MBD5: variants seen among roughly 807,000 people sequenced by gnomAD.
The protein encoded by MBD5 is methyl-CpG binding domain protein 5.
Under a neutral mutation model 117.3 loss-of-function variants are expected in MBD5, and 13 were observed. The observed-to-expected ratio is 0.11, with a 90% confidence interval of 0.07 to 0.18. The LOEUF is 0.18. Among genes scored for constraint, MBD5 ranks in the 10% least tolerant of loss-of-function variants. The pLI, the probability that MBD5 is intolerant of heterozygous loss-of-function variation, is 1.00. For synonymous variants in MBD5, 727 were observed against 766.4 expected (o/e 0.95, Z 0.85); for missense variants, 1,879 against 2,093.8 (o/e 0.90, Z 2.00).
chr2:148,134,277 T>C (rs1314381560), intron 1 of MBD5, among the ~76,000 whole-genome samples: 1 of 152,144 alleles, frequency 6.6e-6, no homozygotes, highest in Non-Finnish European at 1.5e-5. Flanking sequence ...GATACAGATA[T>C]ACAAACACCC....
intron 1 of MBD5, among the ~76,000 whole-genome samples, chr2:148,082,281 T>C (rs1695666042): frequency 6.6e-6 from 1 of 152,148 alleles, no homozygotes. Context: ...ATTCTTTTCA[T>C]TTATTCAGTG....
chr2:148,447,163 GGAAGA>G (rs1172105422), intron 4 of MBD5, among the ~76,000 whole-genome samples: 154 of 123,296 alleles, frequency 1.2e-3, no homozygotes, highest in African/African-American at 4.3e-3. Context: ...AGGAAAGAAA[GGAAGA>G]AAGGAAGAAG....
rs1031744379 is a variant in MBD5, at chr2:148,469,863, T to C, written c.1920T>C (p.Gly640=). ...MLLPTGEGQS[G]RAALRDKLMS... ...TCCCAACAGGTGAAGGGCAAAGTGGTCGAGCAGCACTAAGAGATAAGCTGA... is the reference window on the plus strand; with the variant it reads ...TCCCAACAGGTGAAGGGCAAAGTGGCCGAGCAGCACTAAGAGATAAGCTGA... The change falls in exon 8 of 14, where the codon GGT becomes GGC. Residue 640 remains glycine, a synonymous_variant. Transcript: ENST00000642680. 6 of 1,613,912 alleles carry C rather than the reference T, an allele frequency of 3.7e-6. No homozygotes were observed. In the Admixed American group the frequency reaches 1.0e-4, roughly 27 times the overall value.
rs140230561 is a variant in MBD5 at position 148,227,493 on chromosome 2, A to T, written c.-830-5752A>T. Reference sequence around the variant, plus strand: ...TCTATATCTCTGTTTTGGTACCAGTACCATGCTGTTTTAGTTACTGTGGGC... The same window carrying T: ...TCTATATCTCTGTTTTGGTACCAGTTCCATGCTGTTTTAGTTACTGTGGGC... On this transcript the variant is annotated intron_variant, in intron 2 of 13. Coordinates refer to ENST00000642680, the MANE Select transcript of MBD5 (RefSeq NM_001378120.1). Among the ~76,000 whole-genome samples the T allele has an allele frequency of 5.6e-3, 854 of 152,276 alleles. 11 individuals carry two copies. Among genetic ancestry groups the T allele is most frequent in the African/African-American group, 0.02 (826 of 41,566 alleles).
chr2:148,163,387 G>A (rs1406373113), intron 1 of MBD5, among the ~76,000 whole-genome samples: 2 of 152,090 alleles, frequency 1.3e-5, no homozygotes, highest in Non-Finnish European at 2.9e-5. Flanking sequence ...CGGATGATCA[G>A]AGCATACTAT....
chr2:148,262,494 A>G (rs1700754746), intron 3 of MBD5, among the ~76,000 whole-genome samples: 1 of 152,176 alleles, frequency 6.6e-6, no homozygotes, highest in Non-Finnish European at 1.5e-5. Context: ...CTTTATGTTC[A>G]TTCATGTAAC....
intron 3 of MBD5, among the ~76,000 whole-genome samples, chr2:148,294,244 A>G (rs1701578345): frequency 2.0e-5 from 2 of 100,670 alleles, no homozygotes; most frequent in African/African-American, 4.8e-5. Flanking sequence ...TTTTTTTTTG[A>G]GACAGAGTCT....
rs912426829 is a variant in MBD5, at chr2:148,484,187, C to A, written c.3544+52C>A. 134 of 1,352,046 alleles carry A rather than the reference C, an allele frequency of 9.9e-5. No individual in the cohort carries two copies. In the Middle Eastern group the frequency reaches 1.4e-3, roughly 14 times the overall value. 83.8% of individuals were successfully genotyped at this position (1,352,046 alleles called of 1,614,324 possible). ...TTACAAAAGAAACGTTTTTCTAATT[C>A]TATTTTCTCCTTTTTAAAAACTCCA... is the stretch of plus-strand genomic sequence containing the variant. On this transcript the variant is annotated intron_variant, in intron 9 of 13. Coordinates refer to ENST00000642680, the MANE Select transcript of MBD5 (RefSeq NM_001378120.1).
chr2:148,345,008 G>A (rs1703051707), intron 4 of MBD5, among the ~76,000 whole-genome samples: 1 of 151,728 alleles, frequency 6.6e-6, no homozygotes, highest in African/African-American at 2.4e-5. Flanking sequence ...AGAGATATAT[G>A]TCCTAGTGTA....
chr2:148,451,968 C>T (rs536400296), intron 4 of MBD5, among the ~76,000 whole-genome samples: 1 of 152,156 alleles, frequency 6.6e-6, no homozygotes, highest in South Asian at 2.1e-4. Flanking sequence ...CACTGTGTCT[C>T]CCAGTATTCC....
chr2:148,096,518 C>A (rs1342812988), intron 1 of MBD5, among the ~76,000 whole-genome samples: 1 of 152,166 alleles, frequency 6.6e-6, no homozygotes, highest in African/African-American at 2.4e-5. Context: ...TGAGGCCATA[C>A]AACTACTGAG....
At chr2:148,312,843 T>C (rs919584177) in intron 3 of MBD5, among the ~76,000 whole-genome samples, 2 of 152,192 alleles carry the variant, frequency 1.3e-5, no homozygotes, top group Non-Finnish European at 2.9e-5. Context: ...TGTGTGGTTG[T>C]CCTTTTTGTT....
intron 3 of MBD5, among the ~76,000 whole-genome samples, chr2:148,283,245 A>G (rs1440280931): frequency 2.0e-5 from 3 of 152,134 alleles, no homozygotes; most frequent in African/African-American, 4.8e-5. Context: ...CCATATTTAC[A>G]TAGTCATATG....
At chr2:148,361,432 G>A (rs894197017) in intron 4 of MBD5, among the ~76,000 whole-genome samples, 11 of 152,074 alleles carry the variant, frequency 7.2e-5, no homozygotes, top group African/African-American at 2.7e-4. Context: ...CATCAGTTGG[G>A]ACACTGACTC....
At position 148,142,485 on chromosome 2, in the gene MBD5, A is replaced by G. The variant is rs542859827; in HGVS notation, c.-924-36215A>G. Reference sequence around the variant, plus strand: ...TTTTATTACATAGAATTCTATATCCAACCAAATCAAGTGTGGTGATAGAAT... The same window carrying G: ...TTTTATTACATAGAATTCTATATCCGACCAAATCAAGTGTGGTGATAGAAT... On this transcript the variant is annotated intron_variant, in intron 1 of 13. Coordinates refer to ENST00000642680, the MANE Select transcript of MBD5 (RefSeq NM_001378120.1). Among the ~76,000 whole-genome samples, 3 of 152,296 alleles carry G rather than the reference A, an allele frequency of 2.0e-5. No individual in the cohort carries two copies. In the East Asian group the frequency reaches 5.8e-4, roughly 29 times the overall value.
At chr2:148,071,213 T>C (rs913150014) in intron 1 of MBD5, 4 of 152,042 alleles carry the variant, frequency 2.6e-5, no homozygotes, top group Non-Finnish European at 4.4e-5. Context: ...ATCATTTTGT[T>C]CAAAGTCAAA....
chr2:148,096,082 T>C (rs1324350923), intron 1 of MBD5, among the ~76,000 whole-genome samples: 1 of 152,288 alleles, frequency 6.6e-6, no homozygotes, highest in Non-Finnish European at 1.5e-5. Context: ...AAGCAAATTA[T>C]AAGAAAGCAC....
At chr2:148,121,913 T>C (rs1416337027) in intron 1 of MBD5, among the ~76,000 whole-genome samples, 1 of 152,124 alleles carries the variant, frequency 6.6e-6, no homozygotes, top group African/African-American at 2.4e-5. Context: ...TATTTTCTAA[T>C]GTTATGAGTT....
At chr2:148,222,703 T>C (rs1000149544) in intron 2 of MBD5, among the ~76,000 whole-genome samples, 12 of 152,050 alleles carry the variant, frequency 7.9e-5, no homozygotes, top group African/African-American at 2.9e-4. Context: ...AAATATAATA[T>C]TATGTCATCT....
Sources: gnomAD v4.1 joint callset for allele counts (sites outside exome capture counted in the v4.1 genomes callset) on GRCh38, gnomAD v4.1.1 for gene constraint, MANE v1.5 for transcripts, NCBI Gene and HGNC (gene_info 2026-07-23, HGNC 2026-07-21) for gene names.